The following NCAM1 variants were observed in gnomAD, a reference collection of about 807,000 sequenced individuals.
NCAM1 encodes neural cell adhesion molecule 1, also known as antigen recognized by monoclonal antibody 5.1H11.
NCAM1 carries 14 observed loss-of-function variants against 109.8 expected under a neutral mutation model. That is an observed-to-expected ratio of 0.13 (90% CI 0.08 to 0.20). The LOEUF (loss-of-function observed/expected upper bound fraction) is 0.20. NCAM1 is among the 10% of genes least tolerant of loss of function. NCAM1 has a pLI of 1.00. For synonymous variants in NCAM1, 418 were observed against 442.9 expected, an observed-to-expected ratio of 0.94 and a Z score of 0.70; for missense variants, 774 against 1,109.9, an observed-to-expected ratio of 0.70 and a Z score of 4.30.
intron 1 of NCAM1, among the ~76,000 whole-genome samples, chr11:113,162,408 G>A (rs1284480203): frequency 6.6e-6 from 1 of 152,074 alleles, no homozygotes; most frequent in African/African-American, 2.4e-5. Flanking sequence ...AGCTGCCCTT[G>A]CTGGCTGCTA....
intron 1 of NCAM1, among the ~76,000 whole-genome samples, chr11:113,074,100 G>A (rs1236134854): frequency 6.6e-6 from 1 of 152,270 alleles, no homozygotes; most frequent in Non-Finnish European, 1.5e-5. Context: ...AATAAGGTAC[G>A]TTATTTTAAA....
chr11:113,130,698 A>G (rs2136115730), intron 1 of NCAM1: 1 of 152,356 alleles, frequency 6.6e-6, no homozygotes, highest in East Asian at 1.9e-4. Context: ...GAAGACAGGA[A>G]TGATAAATCA....
At chr11:113,153,446 CAGAGAGTGAGAGAG>C (rs1201114307) in intron 1 of NCAM1, among the ~76,000 whole-genome samples, 21 of 145,194 alleles carry the variant, frequency 1.4e-4, no homozygotes, top group Non-Finnish European at 3.0e-4. Context: ...GGCACAGAGA[CAGAGAGTGAGAGAG>C]AGAGAGAGAG....
chr11:113,098,476 A>AT (rs377704476), intron 1 of NCAM1, among the ~76,000 whole-genome samples: 361 of 151,924 alleles, frequency 2.4e-3, no homozygotes, highest in African/African-American at 8.3e-3. Context: ...TTTCAAATAT[A>AT]TTTGATCCAC....
chr11:113,208,060 T>C (rs782255644), intron 7 of NCAM1, 58 bp downstream of exon 7: 23 of 1,539,008 alleles, frequency 1.5e-5, no homozygotes, highest in Non-Finnish European at 2.0e-5. Flanking sequence ...CCTCTGCACA[T>C]TCAGTCCATC....
Position 113,221,297 on chromosome 11 carries a change from C to G in NCAM1, c.1061C>G (p.Ala354Gly). 1 of 1,563,470 alleles carries G rather than the reference C, an allele frequency of 6.4e-7. No homozygotes were observed. Among genetic ancestry groups the G allele is most frequent in the East Asian group, 2.3e-5 (1 of 42,744 alleles). Residue 354 changes from alanine (A) to glycine (G), a missense_variant and splice_region_variant, in exon 9 of 20, where the codon GCT (alanine) becomes GGT (glycine). By Grantham distance (60) the Ala-to-Gly change is moderately conservative. Around this residue, in one of 4 missense-constraint regions of NCAM1, gnomAD observed 523 missense variants for 784.2 expected, o/e 0.67. Coordinates refer to ENST00000316851, the MANE Select transcript of NCAM1 (RefSeq NM_181351.5). ...STRNISSEEK[A>G]SWTRPEKQET... Reference sequence around the variant, plus strand: ...TGTTTTATATCTTGTTTTCTCCAGGCTTCGTGGACTCGACCAGAGAAGCAA... The same window carrying G: ...TGTTTTATATCTTGTTTTCTCCAGGGTTCGTGGACTCGACCAGAGAAGCAA...
chr11:113,033,996 G>T (rs1591267278), intron 1 of NCAM1, among the ~76,000 whole-genome samples: 1 of 152,112 alleles, frequency 6.6e-6, no homozygotes, highest in East Asian at 1.9e-4. Context: ...AATTTATTCT[G>T]ATTTCTTTTA....
intron 1 of NCAM1, among the ~76,000 whole-genome samples, chr11:113,068,384 A>G (rs538490868): frequency 1.3e-5 from 2 of 152,156 alleles, no homozygotes; most frequent in Non-Finnish European, 2.9e-5. Flanking sequence ...ATAACAGATG[A>G]CCATAAGGTT....
intron 3 of NCAM1, 64 bp from the exon 4 acceptor site, chr11:113,205,439 AAGTCCAGGTACCATGGCTCT>A (rs1383270470): frequency 6.7e-7 from 1 of 1,503,106 alleles, no homozygotes; most frequent in African/African-American, 1.4e-5. Flanking sequence ...CCCAGGACTC[AAGTCCAGGTACCATGGCTCT>A]AGTGAAAGGG....
In NCAM1 at chr11:113,215,317, TG is replaced by T. The variant is rs200544886; in HGVS notation, c.1059+808del. Among the ~76,000 whole-genome samples the T allele has an allele frequency of 8.3e-3, 1,266 of 152,344 alleles. 6 individuals are homozygous for T. The highest frequency in any genetic ancestry group is 0.018 in the South Asian group (89 of 4,830). ...TTTTAATGCAACTTAAACCGTCTTA[TG>T]GTACTTCTCCAATCTCATCTCGTAT... On this transcript the variant is annotated intron_variant, in intron 8 of 19. Transcript: ENST00000316851.
At chr11:113,218,930 C>T (rs1555114811) in intron 8 of NCAM1, among the ~76,000 whole-genome samples, 2 of 152,206 alleles carry the variant, frequency 1.3e-5, no homozygotes, top group African/African-American at 4.8e-5. Flanking sequence ...TCATCCTGCC[C>T]AGATTCCTTT....
intron 1 of NCAM1, among the ~76,000 whole-genome samples, chr11:112,979,246 A>C (rs1360850247): frequency 1.3e-5 from 2 of 151,116 alleles, no homozygotes; most frequent in African/African-American, 4.8e-5. Context: ...AACAAACAAA[A>C]AAAACCTGTA....
chr11:113,230,350 A>G (rs1275736892), intron 9 of NCAM1, among the ~76,000 whole-genome samples: 1 of 152,140 alleles, frequency 6.6e-6, no homozygotes, highest in African/African-American at 2.4e-5. Flanking sequence ...GGCAGCCATG[A>G]CTTTGCTTGA....
chr11:113,083,320 G>A (rs141195568), intron 1 of NCAM1, among the ~76,000 whole-genome samples: 6 of 152,220 alleles, frequency 3.9e-5, no homozygotes, highest in African/African-American at 1.4e-4. Context: ...AATATACACA[G>A]TTAATATCAG....
chr11:113,267,753 G>A (rs1946165368), intron 17 of NCAM1, among the ~76,000 whole-genome samples: 1 of 152,152 alleles, frequency 6.6e-6, no homozygotes, highest in African/African-American at 2.4e-5. Context: ...TCCCTGCCTG[G>A]CCCTCCCCTG....
intron 8 of NCAM1, among the ~76,000 whole-genome samples, chr11:113,215,627 CAG>C (rs1944503598): frequency 6.6e-6 from 1 of 152,196 alleles, no homozygotes; most frequent in Non-Finnish European, 1.5e-5. Context: ...TCAAATGGAA[CAG>C]AAATTGCTCT....
In NCAM1 at chr11:112,962,284, T is replaced by A. The variant is rs578183352; in HGVS notation, c.52+620T>A. Among the ~76,000 whole-genome samples, 1 of 152,180 alleles carries A rather than the reference T, an allele frequency of 6.6e-6. No homozygotes were observed. The highest frequency in any genetic ancestry group is 1.9e-4 in the East Asian group (1 of 5,178). ...GACCGTTGTTGCACCCCAGTCGACA[T>A]GACGTTAGTTTTTCATTTGCCAAAT... On this transcript the variant is annotated intron_variant, in intron 1 of 19. Coordinates refer to ENST00000316851, the MANE Select transcript of NCAM1 (RefSeq NM_181351.5). The surrounding 1 kb of genome is among the most constrained non-coding windows in gnomAD (Gnocchi z 5.6).
At chr11:113,044,027 T>C in intron 1 of NCAM1, among the ~76,000 whole-genome samples, 1 of 152,014 alleles carries the variant, frequency 6.6e-6, no homozygotes, top group Admixed American at 6.6e-5. Flanking sequence ...TTAGCCTCGG[T>C]AATATTTGAT....
intron 1 of NCAM1, among the ~76,000 whole-genome samples, chr11:113,181,632 A>G (rs114091862): frequency 0.012 from 1,798 of 152,248 alleles, 32 homozygotes; most frequent in African/African-American, 0.041. Context: ...ATGTTTACCT[A>G]TGCAACAAAC....
Sources: allele counts gnomAD v4.1 joint callset (sites outside exome capture counted in the v4.1 genomes callset), GRCh38; gene constraint gnomAD v4.1.1; regional missense constraint gnomAD v4.1.1; non-coding constraint Gnocchi (gnomAD v3.1); transcripts MANE v1.5; gene names NCBI Gene and HGNC (gene_info 2026-07-23, HGNC 2026-07-21).